PLEKHM3: variants seen among roughly 807,000 people sequenced by gnomAD.
The protein encoded by PLEKHM3 is pleckstrin homology domain containing M3.
PLEKHM3 carries 45 observed loss-of-function variants against 81.8 expected under a neutral mutation model. That is an observed-to-expected ratio of 0.55 (90% CI 0.43 to 0.71). The LOEUF is 0.71. Among genes scored for constraint, PLEKHM3 ranks in the 30% least tolerant of loss-of-function variants. The pLI is 0.00. For missense variants in PLEKHM3, 788 were observed against 924.3 expected, an observed-to-expected ratio of 0.85 and a Z score of 1.91; for synonymous variants, 352 against 356.4, an observed-to-expected ratio of 0.99 and a Z score of 0.14.
At chr2:208,000,706 T>C (rs1224174443) in intron 2 of PLEKHM3, among the ~76,000 whole-genome samples, 1 of 152,166 alleles carries the variant, frequency 6.6e-6, no homozygotes. Context: ...AAAAATACTA[T>C]TAATACATTA....
At chr2:207,948,710 A>C (rs994640757) in intron 3 of PLEKHM3, among the ~76,000 whole-genome samples, 48 of 152,010 alleles carry the variant, frequency 3.2e-4, no homozygotes, top group African/African-American at 1.1e-3. Flanking sequence ...CGCCCGGCTA[A>C]TTTTTTGTAT....
intron 3 of PLEKHM3, 38 bp from the exon 4 acceptor site, chr2:207,946,550 G>A (rs770904457): frequency 6.2e-7 from 1 of 1,606,244 alleles, no homozygotes. Flanking sequence ...GATTGCTGTT[G>A]TACTTTTAAC....
chr2:207,847,943 G>C (rs1365590966), intron 7 of PLEKHM3, among the ~76,000 whole-genome samples: 1 of 152,190 alleles, frequency 6.6e-6, no homozygotes. Context: ...GATGTAACAA[G>C]ACTGCCAAGC....
At chr2:207,985,627 A>T (rs2100349) in intron 2 of PLEKHM3, among the ~76,000 whole-genome samples, 87,677 of 151,884 alleles carry the variant, frequency 0.58, 28,728 homozygotes, top group Non-Finnish European at 0.73. Flanking sequence ...GTTAGCATAT[A>T]TAATTATTGA....
In PLEKHM3 at chr2:207,956,168, C is replaced by T. The variant is rs185191157; in HGVS notation, c.1547-9656G>A. Among the ~76,000 whole-genome samples the T allele has an allele frequency of 2.7e-3, 404 of 152,268 alleles. 1 individual carries two copies. The highest frequency in any genetic ancestry group is 8.8e-3 in the African/African-American group (366 of 41,560). On this transcript the variant is annotated intron_variant, in intron 3 of 7. Coordinates refer to ENST00000427836, the MANE Select transcript of PLEKHM3 (RefSeq NM_001080475.3). ...TTGGAATGATAAAGTGAAGCTAGAACATAAGAATCCTGAGTGCTCAGAGTG... is the reference window on the plus strand; with the variant it reads ...TTGGAATGATAAAGTGAAGCTAGAATATAAGAATCCTGAGTGCTCAGAGTG...
At chr2:208,002,987 A>G (rs947412837) in intron 1 of PLEKHM3, among the ~76,000 whole-genome samples, 1 of 152,016 alleles carries the variant, frequency 6.6e-6, no homozygotes, top group Non-Finnish European at 1.5e-5. Context: ...AAAACTAGGC[A>G]ACTAGCAACA....
At chr2:207,922,578 C>G (rs1475199341) in intron 5 of PLEKHM3, among the ~76,000 whole-genome samples, 1 of 151,784 alleles carries the variant, frequency 6.6e-6, no homozygotes, top group Non-Finnish European at 1.5e-5. Flanking sequence ...TTTGGGAGGC[C>G]GAGGCGGGCG....
chr2:207,904,308 A>G (rs1171003518), intron 6 of PLEKHM3, among the ~76,000 whole-genome samples: 1 of 152,172 alleles, frequency 6.6e-6, no homozygotes, highest in Admixed American at 6.5e-5. Context: ...TAAACACAAG[A>G]AATGAGTAAA....
intron 3 of PLEKHM3, among the ~76,000 whole-genome samples, chr2:207,948,637 G>A (rs1371436979): frequency 1.3e-5 from 2 of 149,832 alleles, no homozygotes; most frequent in African/African-American, 2.5e-5. Context: ...TCCGCGTCCC[G>A]CGCTCATGCC....
chr2:207,877,619 A>T (rs13406933), intron 6 of PLEKHM3, among the ~76,000 whole-genome samples: 37,528 of 152,204 alleles, frequency 0.25, 4,828 homozygotes, highest in Non-Finnish European at 0.3. Flanking sequence ...ATGTAAACTG[A>T]GAGAAGAGGT....
intron 1 of PLEKHM3, among the ~76,000 whole-genome samples, chr2:208,008,525 A>AAAAC (rs60052604): frequency 1.4e-5 from 2 of 140,162 alleles, no homozygotes; most frequent in African/African-American, 5.3e-5. Flanking sequence ...AAAAAAAAAA[A>AAAAC]CAGACAAAAA....
At chr2:208,024,843 C>A (rs531678109) in intron 1 of PLEKHM3, among the ~76,000 whole-genome samples, 28 of 152,298 alleles carry the variant, frequency 1.8e-4, no homozygotes, top group Middle Eastern at 3.4e-3. Flanking sequence ...AATTTGTCAT[C>A]CAAATATATA....
intron 7 of PLEKHM3, among the ~76,000 whole-genome samples, chr2:207,832,226 C>T (rs2092292527): frequency 6.6e-6 from 1 of 152,044 alleles, no homozygotes; most frequent in Admixed American, 6.5e-5. Context: ...AATTTGTAAC[C>T]CAGCAGGTAT....
chr2:207,919,575 G>A (rs927085306), intron 5 of PLEKHM3, among the ~76,000 whole-genome samples: 6 of 152,144 alleles, frequency 3.9e-5, no homozygotes, highest in African/African-American at 1.4e-4. Context: ...CAGGTTTGCC[G>A]ACTGGATGTA....
At chr2:207,829,513 G>A (rs1238161227) in intron 7 of PLEKHM3, among the ~76,000 whole-genome samples, 1 of 152,158 alleles carries the variant, frequency 6.6e-6, no homozygotes, top group Non-Finnish European at 1.5e-5. Context: ...TTGACCTCAG[G>A]TGATCCACCC....
At chr2:207,844,835 C>T (rs2092374588) in intron 7 of PLEKHM3, among the ~76,000 whole-genome samples, 1 of 152,174 alleles carries the variant, frequency 6.6e-6, no homozygotes, top group African/African-American at 2.4e-5. Flanking sequence ...AGAAAGGGTA[C>T]TGCTCTGGGA....
chr2:207,904,573 T>A (rs1013504054), intron 6 of PLEKHM3, among the ~76,000 whole-genome samples: 1 of 152,226 alleles, frequency 6.6e-6, no homozygotes, highest in Admixed American at 6.5e-5. Flanking sequence ...GTCTGAGTAT[T>A]AATTTTGCCA....
intron 1 of PLEKHM3, among the ~76,000 whole-genome samples, chr2:208,015,602 G>A (rs1250018966): frequency 6.6e-6 from 1 of 152,160 alleles, no homozygotes; most frequent in African/African-American, 2.4e-5. Flanking sequence ...AACCTCAATT[G>A]TCTTAGTGAC....
intron 1 of PLEKHM3, among the ~76,000 whole-genome samples, chr2:208,025,157 A>G (rs1574502074): frequency 6.6e-6 from 1 of 152,160 alleles, no homozygotes; most frequent in East Asian, 1.9e-4. Flanking sequence ...TTCTCCTCCT[A>G]TTACATACCT....
Sources: allele counts gnomAD v4.1 joint callset (sites outside exome capture counted in the v4.1 genomes callset), GRCh38; gene constraint gnomAD v4.1.1; transcripts MANE v1.5; gene names NCBI Gene and HGNC (gene_info 2026-07-23, HGNC 2026-07-21).